The following CBL variants were observed in gnomAD, a reference collection of about 807,000 sequenced individuals.
CBL encodes Cbl proto-oncogene.
In CBL, 45 loss-of-function variants were observed where a neutral mutation model predicts 96.9. The observed-to-expected ratio is 0.46, with a 90% confidence interval of 0.37 to 0.60. The LOEUF (loss-of-function observed/expected upper bound fraction) is 0.60, where lower values mean the gene tolerates loss of function less well. Ranked by LOEUF, CBL falls within the 20% of genes least tolerant of loss-of-function variation. The pLI, the probability that CBL is intolerant of heterozygous loss-of-function variation, is 0.00. For synonymous variants in CBL, 420 were observed against 426.8 expected (o/e 0.98, Z 0.20); for missense variants, 1,024 against 1,143.5 (o/e 0.90, Z 1.51).
Position 119,302,545 on chromosome 11 carries a change from C to T in CBL, c.*2764C>T, listed in dbSNP as rs1166712637. The T allele has an allele frequency of 4.3e-6, 1 of 232,338 alleles. No individual in the cohort carries two copies. Among genetic ancestry groups the T allele is most frequent in the Non-Finnish European group, 8.5e-6 (1 of 117,562 alleles). 14.4% of individuals were successfully genotyped at this position (232,338 alleles called of 1,614,324 possible). On this transcript the variant is annotated 3_prime_UTR_variant, in exon 16 of 16. Transcript: ENST00000264033. ...CTAGTGGCTAATAAAGTAAAAAAACCCACACTACTTTGTTCTCTTTTTCTC... is the reference window on the plus strand; with the variant it reads ...CTAGTGGCTAATAAAGTAAAAAAACTCACACTACTTTGTTCTCTTTTTCTC...
intron 1 of CBL, among the ~76,000 whole-genome samples, chr11:119,219,305 G>A (rs1949388779): frequency 6.6e-6 from 1 of 151,400 alleles, no homozygotes; most frequent in African/African-American, 2.4e-5. Context: ...TTGAACCCAG[G>A]AGGCAGAGGT....
At chr11:119,276,576 G>A (rs1949891083) in intron 6 of CBL, among the ~76,000 whole-genome samples, 1 of 152,198 alleles carries the variant, frequency 6.6e-6, no homozygotes, top group East Asian at 1.9e-4. Context: ...TTGGGCTACT[G>A]TAACCTATGC....
intron 2 of CBL, among the ~76,000 whole-genome samples, chr11:119,250,765 A>G (rs1410837199): frequency 6.6e-6 from 1 of 152,156 alleles, no homozygotes; most frequent in East Asian, 1.9e-4. Flanking sequence ...AGCCTGGCCA[A>G]CATGGTAAAA....
intron 3 of CBL, among the ~76,000 whole-genome samples, chr11:119,272,704 G>A (rs2135297888): frequency 6.6e-6 from 1 of 152,264 alleles, no homozygotes; most frequent in Non-Finnish European, 1.5e-5. Flanking sequence ...AAGGGAGATT[G>A]AGCTTCTTCT....
chr11:119,276,490 A>G (rs1057405528), intron 6 of CBL, among the ~76,000 whole-genome samples: 2 of 152,212 alleles, frequency 1.3e-5, no homozygotes, highest in Admixed American at 6.5e-5. Flanking sequence ...CAATGTTCCT[A>G]ATAGCCATAG....
chr11:119,264,981 A>G (rs546008291), intron 2 of CBL, among the ~76,000 whole-genome samples: 2 of 152,258 alleles, frequency 1.3e-5, no homozygotes, highest in African/African-American at 2.4e-5. Flanking sequence ...GGTTCAAGCT[A>G]TCATCCCACC....
chr11:119,285,983 A>G (rs767187874), intron 11 of CBL, among the ~76,000 whole-genome samples: 7 of 151,460 alleles, frequency 4.6e-5, no homozygotes, highest in East Asian at 2.0e-4. Context: ...GAATTCAGAG[A>G]TGCTATAACA....
At position 119,278,267 on chromosome 11, in the gene CBL, C is replaced by T. The variant is rs2135303850; in HGVS notation, c.1197C>T (p.Leu399=). The part of the protein sequence containing the change: ...KDVKIEPCGH[L]MCTSCLTSWQ... ...TAAAGATTGAGCCCTGTGGACACCT[C>T]ATGTGCACATCCTGTCTTACATCCT... The change falls in exon 8 of 16, where the codon CTC becomes CTT. Residue 399 remains leucine, a synonymous_variant. Transcript: ENST00000264033. 1.2e-6 allele frequency: 2 copies of T among 1,613,642 alleles called. No individual in the cohort carries two copies. The highest frequency in any genetic ancestry group is 8.5e-7 in the Non-Finnish European group (1 of 1,179,592).
chr11:119,264,508 G>T (rs547876222), intron 2 of CBL, among the ~76,000 whole-genome samples: 1 of 146,082 alleles, frequency 6.8e-6, no homozygotes, highest in South Asian at 2.2e-4. Context: ...TTGAGACAGG[G>T]TCTGTCTCTG....
Position 119,268,032 on chromosome 11 carries a change from G to A in CBL, c.444-3703G>A, listed in dbSNP as rs148321967. On this transcript the variant is annotated intron_variant, in intron 2 of 15. Transcript: ENST00000264033. ...AGAAGAGAGGCAGGTGTAAGAAAAG[G>A]TGAAGTACTTGGTTTGGCTAGAACA... Among the ~76,000 whole-genome samples, 252 of 152,334 alleles carry A rather than the reference G, an allele frequency of 1.7e-3. 1 individual carries two copies. The highest frequency in any genetic ancestry group is 0.013 in the East Asian group (66 of 5,186).
chr11:119,253,738 T>G (rs992782945), intron 2 of CBL, among the ~76,000 whole-genome samples: 4 of 150,360 alleles, frequency 2.7e-5, no homozygotes, highest in African/African-American at 9.8e-5. Flanking sequence ...TTCTGGAGGC[T>G]GATTTGGGAA....
intron 1 of CBL, among the ~76,000 whole-genome samples, chr11:119,220,106 T>G (rs1476866502): frequency 2.0e-5 from 3 of 152,188 alleles, no homozygotes; most frequent in African/African-American, 7.2e-5. Flanking sequence ...TCCACCCACC[T>G]TGGCCTCCCA....
At chr11:119,291,400 A>G (rs2135315768) in intron 12 of CBL, among the ~76,000 whole-genome samples, 1 of 152,314 alleles carries the variant, frequency 6.6e-6, no homozygotes, top group Admixed American at 6.5e-5. Context: ...AATAAAATTG[A>G]AAAATAAATA....
In CBL at chr11:119,285,544, C is replaced by T. The variant is rs1263873227; in HGVS notation, c.1919C>T (p.Thr640Met). Residue 640 changes from threonine (T) to methionine (M), a missense_variant, in exon 11 of 16, where the codon ACG becomes ATG. Physicochemically the swap from Thr to Met is moderately conservative, Grantham distance 81. Around this residue, in one of 4 missense-constraint regions of CBL, gnomAD observed 695 missense variants for 661.6 expected, o/e 1.05. Coordinates refer to ENST00000264033, the MANE Select transcript of CBL (RefSeq NM_005188.4). ...PRPDVPRLGS[T>M]FSLDTSMSMN... Reference sequence around the variant, plus strand: ...CCAGATGTGCCTAGGCTCGGAAGCACGTTCAGTCTGGATACCTCCATGGTG... The same window carrying T: ...CCAGATGTGCCTAGGCTCGGAAGCATGTTCAGTCTGGATACCTCCATGGTG... The T allele has an allele frequency of 4.3e-6, 7 of 1,614,054 alleles. No homozygotes were observed. The highest frequency in any genetic ancestry group is 2.2e-5 in the East Asian group (1 of 44,886).
At chr11:119,278,424 TGA>T in intron 8 of CBL, 84 bp from the exon 9 acceptor site, 1 of 1,540,146 alleles carries the variant, frequency 6.5e-7, no homozygotes, top group Non-Finnish European at 9.0e-7. Context: ...TACTTTTTTT[TGA>T]TCTCTAGGAA....
intron 12 of CBL, among the ~76,000 whole-genome samples, chr11:119,288,411 C>T (rs1020270244): frequency 1.5e-4 from 23 of 152,090 alleles, no homozygotes; most frequent in African/African-American, 5.1e-4. Context: ...GGTGGCTTTC[C>T]GGTGAGGGCT....
At chr11:119,228,997 T>G (rs1319359041) in intron 1 of CBL, among the ~76,000 whole-genome samples, 2 of 152,038 alleles carry the variant, frequency 1.3e-5, no homozygotes, top group Non-Finnish European at 2.9e-5. Context: ...TATTTTTTAG[T>G]AGAGACAGGG....
chr11:119,237,879 C>CT lies in CBL; in HGVS notation c.443+5194dup, dbSNP rs1413768247. Among the ~76,000 whole-genome samples the CT allele has an allele frequency of 5.3e-4, 79 of 149,180 alleles. No individual in the cohort carries two copies. The East Asian group carries it at 6.7e-3, about 13-fold the overall frequency. On this transcript the variant is annotated intron_variant, in intron 2 of 15. Coordinates refer to ENST00000264033, the MANE Select transcript of CBL (RefSeq NM_005188.4). Reference sequence around the variant, plus strand: ...CTGCTATTCTGGATCCATTGTATTTCTTTTTTTTTTGAGATGAAGTCTCAC... The same window carrying CT: ...CTGCTATTCTGGATCCATTGTATTTCTTTTTTTTTTTGAGATGAAGTCTCAC...
rs116555250 is a variant in CBL at position 119,256,137 on chromosome 11, T to A, written c.444-15598T>A. On this transcript the variant is annotated intron_variant, in intron 2 of 15. Transcript: ENST00000264033. ...AAATAGAATCCATTGCATTTTGTTG[T>A]TGCAGTAACGTCTATATGTTAAGCC... is the stretch of plus-strand genomic sequence containing the variant. Among the ~76,000 whole-genome samples, 1,237 of 152,104 alleles carry A rather than the reference T, an allele frequency of 8.1e-3. 21 individuals are homozygous for A. Among genetic ancestry groups the A allele is most frequent in the African/African-American group, 0.028 (1,170 of 41,488 alleles).
Sources: allele counts gnomAD v4.1 joint callset (sites outside exome capture counted in the v4.1 genomes callset), GRCh38; gene constraint gnomAD v4.1.1; regional missense constraint gnomAD v4.1.1; transcripts MANE v1.5; gene names NCBI Gene and HGNC (gene_info 2026-07-23, HGNC 2026-07-21).